USP24: variants seen among roughly 807,000 people sequenced by gnomAD.
USP24 encodes the protein ubiquitin specific peptidase 24.
Under a neutral mutation model 361.6 loss-of-function variants are expected in USP24, and 97 were observed. The observed-to-expected ratio is 0.27, with a 90% CI of 0.23 to 0.32. USP24 has a LOEUF of 0.32. USP24 is among the 10% of genes least tolerant of loss of function. The pLI is 1.00. For missense variants in USP24, 2,353 were observed against 3,165.6 expected, an observed-to-expected ratio of 0.74 and a Z score of 6.16; for synonymous variants, 1,098 against 1,124.6, an observed-to-expected ratio of 0.98 and a Z score of 0.47.
Position 55,100,860 on chromosome 1 carries a change from A to G in USP24, c.5250T>C (p.Tyr1750=), listed in dbSNP as rs1256537187. 1 of 1,611,754 alleles carries G rather than the reference A, an allele frequency of 6.2e-7. No individual in the cohort carries two copies. The change falls in exon 44 of 68, where the codon TAT becomes TAC. Residue 1750 remains tyrosine, a synonymous_variant. Transcript: ENST00000294383. The part of the protein sequence containing the change: ...GHLMESKLQY[Y]VPENFWKIFK... Reference sequence around the variant, plus strand: ...ATACCTTCCAAAAATTCTCAGGTACATAGTACTGCAGCTTGCTTTCCATTA... The same window carrying G: ...ATACCTTCCAAAAATTCTCAGGTACGTAGTACTGCAGCTTGCTTTCCATTA...
intron 25 of USP24, 44 bp from the exon 26 acceptor site, chr1:55,138,762 T>TA: frequency 2.1e-6 from 3 of 1,433,200 alleles, no homozygotes. Context: ...GCACCACTGA[T>TA]AAACACATCA....
chr1:55,215,024 G>T lies in USP24; in HGVS notation c.90C>A (p.Ala30=). ...PATIRKALRL[A]KNDINEAVAL... ...CCACGGCCTCGTTAATGTCGTTCTT[G>T]GCCAGGCGCAGGGCCTTGCGGATGG... Residue 30 remains alanine, a synonymous_variant, in exon 1 of 68, where the codon GCC becomes GCA. Coordinates refer to ENST00000294383, the MANE Select transcript of USP24 (RefSeq NM_015306.3). The T allele has an allele frequency of 1.3e-6, 2 of 1,484,570 alleles. No homozygotes were observed. The highest frequency in any genetic ancestry group is 2.8e-5 in the East Asian group (1 of 35,666). 92.0% of individuals were successfully genotyped at this position (1,484,570 alleles called of 1,614,324 possible). A position where few individuals can be genotyped will look rare whatever the true frequency, so the allele number is the denominator to read the frequency against.
chr1:55,095,369 C>T lies in USP24; in HGVS notation c.6089G>A (p.Arg2030Lys), dbSNP rs1354092890. The T allele has an allele frequency of 6.2e-7, 1 of 1,612,952 alleles. No homozygotes were observed. Among genetic ancestry groups the T allele is most frequent in the African/African-American group, 1.3e-5 (1 of 75,030 alleles). The stretch of plus-strand genomic sequence containing the variant: ...GAAAAGCATATAGGCATTCCAGTAT[C>T]TTCGGCGCACATCAGTGTATGGGTT... ...QTNPYTDVRR[R>K]YWNAYMLFYQ... The change falls in exon 51 of 68, where the codon AGA becomes AAA. Residue 2030 changes from arginine (R) to lysine (K), a missense_variant. Physicochemically the swap from Arg to Lys is conservative, Grantham distance 26 (BLOSUM62 2). Transcript: ENST00000294383.
intron 36 of USP24, among the ~76,000 whole-genome samples, chr1:55,122,268 A>AT (rs1431346202): frequency 3.9e-5 from 6 of 152,224 alleles, no homozygotes; most frequent in African/African-American, 1.4e-4. Context: ...TTCAGTAAGC[A>AT]TACTGGAAAG....
At chr1:55,104,909 G>C (rs1645730659) in intron 41 of USP24, among the ~76,000 whole-genome samples, 1 of 152,138 alleles carries the variant, frequency 6.6e-6, no homozygotes, top group Non-Finnish European at 1.5e-5. Context: ...CTTTATTACT[G>C]TGATACAAAA....
At chr1:55,071,209 A>G in intron 67 of USP24, 6 of 986,980 alleles carry the variant, frequency 6.1e-6, no homozygotes, top group Middle Eastern at 5.2e-4. Flanking sequence ...CACAGAGGAG[A>G]CTGCTGTTAA....
intron 42 of USP24, among the ~76,000 whole-genome samples, chr1:55,102,060 G>A (rs1467208832): frequency 6.6e-6 from 1 of 152,068 alleles, no homozygotes; most frequent in African/African-American, 2.4e-5. Context: ...CACGGCCCCT[G>A]ATCTCAAGGC....
chr1:55,178,287 C>T (rs548854540), intron 1 of USP24, among the ~76,000 whole-genome samples, 155 bp from the exon 2 acceptor site: 1 of 152,186 alleles, frequency 6.6e-6, no homozygotes, highest in Non-Finnish European at 1.5e-5. Flanking sequence ...ACATCTTTCA[C>T]CAAGAATATC....
At chr1:55,095,149 C>A in intron 51 of USP24, 106 bp downstream of exon 51, 1 of 1,269,652 alleles carries the variant, frequency 7.9e-7, no homozygotes. Flanking sequence ...TTTAGAATTT[C>A]TCTCCAGCTT....
chr1:55,148,360 A>C, intron 17 of USP24, 103 bp downstream of exon 17: 3 of 698,008 alleles, frequency 4.3e-6, no homozygotes, highest in Admixed American at 4.8e-5. Flanking sequence ...TTACATCAAT[A>C]AACATAAAGA....
intron 42 of USP24, 128 bp downstream of exon 42, chr1:55,103,748 G>A: frequency 9.7e-7 from 1 of 1,033,554 alleles, no homozygotes; most frequent in Admixed American, 2.8e-5. Flanking sequence ...TTGAGTATGT[G>A]AACACAGTAA....
At chr1:55,071,743 G>A in intron 67 of USP24, 71 bp downstream of exon 67, 1 of 1,438,052 alleles carries the variant, frequency 7.0e-7, no homozygotes, top group Non-Finnish European at 9.6e-7. Context: ...TCCCTCAGCT[G>A]TGGAAATTCT....
At chr1:55,091,693 T>A (rs1645380361) in intron 54 of USP24, among the ~76,000 whole-genome samples, 1 of 152,202 alleles carries the variant, frequency 6.6e-6, no homozygotes, top group African/African-American at 2.4e-5. Flanking sequence ...AAATGAGCCC[T>A]CTGTGTTTCT....
At chr1:55,113,688 A>C (rs1269321092) in intron 38 of USP24, among the ~76,000 whole-genome samples, 1 of 152,238 alleles carries the variant, frequency 6.6e-6, no homozygotes, top group East Asian at 1.9e-4. Flanking sequence ...CACCACGATC[A>C]AGTTGGCTTC....
intron 1 of USP24, among the ~76,000 whole-genome samples, chr1:55,214,052 T>G (rs996578292): frequency 6.6e-6 from 1 of 151,984 alleles, no homozygotes; most frequent in Non-Finnish European, 1.5e-5. Flanking sequence ...TCCCCATCCC[T>G]GCCTAGACCC....
At chr1:55,109,920 G>A (rs931170927) in intron 39 of USP24, among the ~76,000 whole-genome samples, 4 of 151,958 alleles carry the variant, frequency 2.6e-5, no homozygotes, top group African/African-American at 9.7e-5. Context: ...CAATAGTTTC[G>A]TATCAGTGTA....
chr1:55,120,283 G>A (rs1354989945), intron 38 of USP24, among the ~76,000 whole-genome samples: 1 of 152,072 alleles, frequency 6.6e-6, no homozygotes, highest in African/African-American at 2.4e-5. Flanking sequence ...AAGGGGAGAG[G>A]ATCAGTATAA....
At chr1:55,169,449 A>G (rs1465526352) in intron 5 of USP24, among the ~76,000 whole-genome samples, 20 of 152,206 alleles carry the variant, frequency 1.3e-4, no homozygotes, top group Non-Finnish European at 2.9e-5. Flanking sequence ...GATGTAAGAC[A>G]TTAACCATAG....
chr1:55,145,589 A>C (rs546224086), intron 20 of USP24, among the ~76,000 whole-genome samples: 1 of 152,340 alleles, frequency 6.6e-6, no homozygotes, highest in African/African-American at 2.4e-5. Context: ...AAGGTTACAT[A>C]ATTTTGTGAA....
Sources: allele counts gnomAD v4.1 joint callset (sites outside exome capture counted in the v4.1 genomes callset), GRCh38; gene constraint gnomAD v4.1.1; transcripts MANE v1.5; gene names NCBI Gene and HGNC (gene_info 2026-07-23, HGNC 2026-07-21).